CSNK1G3: variants seen among roughly 807,000 people sequenced by gnomAD.
The protein encoded by CSNK1G3 is casein kinase I isoform gamma-3.
Under a neutral mutation model 64.3 loss-of-function variants are expected in CSNK1G3, and 23 were observed. The observed-to-expected ratio is 0.36, with a 90% CI of 0.26 to 0.51. The LOEUF (loss-of-function observed/expected upper bound fraction) is 0.51. CSNK1G3 is among the 20% of genes least tolerant of loss of function. The probability of loss-of-function intolerance (pLI) is 0.96; values close to 1 mark genes in which losing one functional copy is unlikely to be tolerated. For missense variants in CSNK1G3, 357 were observed against 510.5 expected (o/e 0.70, Z 2.90); for synonymous variants, 158 against 162.2 (o/e 0.97, Z 0.20).
At chr5:123,517,367 TG>T (rs376954894) in intron 1 of CSNK1G3, among the ~76,000 whole-genome samples, 125 of 152,328 alleles carry the variant, frequency 8.2e-4, no homozygotes, top group African/African-American at 2.9e-3. Flanking sequence ...TGGCACTTGA[TG>T]TTGTAATCAC....
intron 4 of CSNK1G3, among the ~76,000 whole-genome samples, chr5:123,557,899 T>C (rs1356694537): frequency 6.6e-6 from 1 of 152,206 alleles, no homozygotes; most frequent in Non-Finnish European, 1.5e-5. Flanking sequence ...AATGGCCACA[T>C]AGAAGTTATC....
intron 12 of CSNK1G3, among the ~76,000 whole-genome samples, chr5:123,609,757 A>G (rs1231935636): frequency 6.6e-6 from 1 of 152,178 alleles, no homozygotes; most frequent in African/African-American, 2.4e-5. Flanking sequence ...CCTTCCATTC[A>G]TAGTATAGGC....
chr5:123,564,589 G>A (rs1408641924), intron 4 of CSNK1G3, among the ~76,000 whole-genome samples: 1 of 152,008 alleles, frequency 6.6e-6, no homozygotes, highest in African/African-American at 2.4e-5. Flanking sequence ...GCCCAAATTG[G>A]ATAACAACTT....
At chr5:123,525,975 G>A (rs1292848812) in intron 1 of CSNK1G3, among the ~76,000 whole-genome samples, 1 of 150,078 alleles carries the variant, frequency 6.7e-6, no homozygotes, top group African/African-American at 2.5e-5. Context: ...TCCAGCTTGG[G>A]CGACAGAGCG....
chr5:123,532,447 T>A (rs1311739785), intron 1 of CSNK1G3, among the ~76,000 whole-genome samples: 1 of 151,926 alleles, frequency 6.6e-6, no homozygotes, highest in African/African-American at 2.4e-5. Flanking sequence ...CTTCTAAGAA[T>A]ATATTTATAA....
chr5:123,513,411 G>T (rs1380423780), intron 1 of CSNK1G3, among the ~76,000 whole-genome samples: 1 of 152,128 alleles, frequency 6.6e-6, no homozygotes, highest in Non-Finnish European at 1.5e-5. Flanking sequence ...AAGTTCAGAT[G>T]GGGGAGAGAG....
At chr5:123,515,965 T>G (rs143890371) in intron 1 of CSNK1G3, among the ~76,000 whole-genome samples, 1 of 152,318 alleles carries the variant, frequency 6.6e-6, no homozygotes, top group African/African-American at 2.4e-5. Context: ...TGAAGATATA[T>G]CTTGGAAGTA....
At chr5:123,609,141 A>G (rs1309266370) in intron 12 of CSNK1G3, among the ~76,000 whole-genome samples, 1 of 152,180 alleles carries the variant, frequency 6.6e-6, no homozygotes, top group East Asian at 1.9e-4. Flanking sequence ...GAGATAGGCT[A>G]ATTTCCCAAT....
At chr5:123,604,956 G>T in intron 11 of CSNK1G3, 126 bp downstream of exon 12, 1 of 651,370 alleles carries the variant, frequency 1.5e-6, no homozygotes, top group Non-Finnish European at 2.7e-6. Context: ...AAAACAAGTG[G>T]TATGCTTAAT....
chr5:123,533,798 C>G (rs983240944), intron 1 of CSNK1G3, among the ~76,000 whole-genome samples: 1 of 151,232 alleles, frequency 6.6e-6, no homozygotes, highest in African/African-American at 2.4e-5. Flanking sequence ...GATCTGCTTC[C>G]CCCAGAGGTT....
rs977959905 is a variant in CSNK1G3 at position 123,535,337 on chromosome 5, C to T, written c.-247-10080C>T. Among the ~76,000 whole-genome samples the T allele has an allele frequency of 3.6e-4, 55 of 152,098 alleles. 1 individual carries two copies. Among genetic ancestry groups the T allele is most frequent in the African/African-American group, 1.3e-3 (52 of 41,494 alleles). ...ATATTATTATTCTTATAATCCCCCACCCCCAACTATGTAAAAATGTAAAGA... is the reference window on the plus strand; with the variant it reads ...ATATTATTATTCTTATAATCCCCCATCCCCAACTATGTAAAAATGTAAAGA... On this transcript the variant is annotated intron_variant, in intron 1 of 12. Coordinates refer to ENST00000345990, the Ensembl canonical transcript of CSNK1G3.
intron 4 of CSNK1G3, among the ~76,000 whole-genome samples, chr5:123,567,205 C>T (rs1162283624): frequency 6.6e-6 from 1 of 152,174 alleles, no homozygotes; most frequent in Non-Finnish European, 1.5e-5. Context: ...CAGTCACCTC[C>T]CACTGGGTTC....
intron 4 of CSNK1G3, among the ~76,000 whole-genome samples, chr5:123,558,806 T>C (rs1785121424): frequency 6.6e-6 from 1 of 152,226 alleles, no homozygotes; most frequent in Non-Finnish European, 1.5e-5. Flanking sequence ...TTAGTTATTA[T>C]ACTAGCAAAT....
chr5:123,543,662 C>T (rs1444671557), intron 1 of CSNK1G3, among the ~76,000 whole-genome samples: 1 of 152,158 alleles, frequency 6.6e-6, no homozygotes, highest in Non-Finnish European at 1.5e-5. Context: ...AGCCAGAGAG[C>T]TTGGATGAAG....
chr5:123,600,098 G>GCA (rs34129374), intron 10 of CSNK1G3, among the ~76,000 whole-genome samples: 1,152 of 90,048 alleles, frequency 0.013, 13 homozygotes, highest in African/African-American at 0.042. Flanking sequence ...GTATACTTTA[G>GCA]CACAGGTTCA....
intron 4 of CSNK1G3, among the ~76,000 whole-genome samples, chr5:123,561,951 C>A (rs1043210796): frequency 6.6e-6 from 1 of 152,128 alleles, no homozygotes; most frequent in African/African-American, 2.4e-5. Flanking sequence ...CTCTTCCAGT[C>A]CCCATTGTTA....
At chr5:123,523,098 A>C (rs1308917068) in intron 1 of CSNK1G3, among the ~76,000 whole-genome samples, 1 of 152,152 alleles carries the variant, frequency 6.6e-6, no homozygotes, top group African/African-American at 2.4e-5. Flanking sequence ...TTTTTATGGA[A>C]CATCAGGATG....
intron 6 of CSNK1G3, among the ~76,000 whole-genome samples, chr5:123,582,655 A>T (rs1790518890): frequency 6.6e-6 from 1 of 152,200 alleles, no homozygotes; most frequent in South Asian, 2.1e-4. Context: ...AAGAGTTCTT[A>T]TAATGATTCT....
intron 12 of CSNK1G3, among the ~76,000 whole-genome samples, chr5:123,612,853 A>ATTG (rs972051166): frequency 4.6e-5 from 7 of 152,162 alleles, no homozygotes; most frequent in African/African-American, 1.7e-4. Context: ...CACAGTCTGA[A>ATTG]TTGGCAGCTC....
Sources: allele counts gnomAD v4.1 joint callset (sites outside exome capture counted in the v4.1 genomes callset), GRCh38; gene constraint gnomAD v4.1.1; transcripts MANE v1.5; gene names NCBI Gene and HGNC (gene_info 2026-07-23, HGNC 2026-07-21).